Variants in EPHA3 observed in about 807,000 individuals in gnomAD.
EPHA3 encodes ephrin type-A receptor 3.
A neutral mutation model predicts 107.1 loss-of-function variants in EPHA3; 42 were observed. The observed-to-expected ratio is 0.39, with a 90% CI of 0.31 to 0.51. EPHA3 has a LOEUF of 0.51. Ranked by LOEUF, EPHA3 falls within the 20% of genes least tolerant of loss-of-function variation. EPHA3 has a pLI of 0.78. For missense variants in EPHA3, 1,183 were observed against 1,211.2 expected (o/e 0.98, Z 0.35); for synonymous variants, 461 against 424.8 (o/e 1.09, Z -1.05).
At chr3:89,435,568 A>G (rs1341800934) in intron 13 of EPHA3, among the ~76,000 whole-genome samples, 1 of 145,680 alleles carries the variant, frequency 6.9e-6, no homozygotes, top group African/African-American at 2.5e-5. Flanking sequence ...ACTATATAGT[A>G]TATATAATTT....
chr3:89,259,968 C>T (rs1705376821), intron 3 of EPHA3, among the ~76,000 whole-genome samples: 1 of 152,180 alleles, frequency 6.6e-6, no homozygotes, highest in Non-Finnish European at 1.5e-5. Context: ...TCCACCAGCT[C>T]CTTCCACATT....
intron 3 of EPHA3, among the ~76,000 whole-genome samples, chr3:89,312,348 C>T (rs966892546): frequency 1.3e-5 from 2 of 148,176 alleles, no homozygotes; most frequent in African/African-American, 2.5e-5. Context: ...AGAGTTCATT[C>T]GCAGTTACGC....
At chr3:89,192,309 G>A (rs1360961494) in intron 2 of EPHA3, among the ~76,000 whole-genome samples, 1 of 152,122 alleles carries the variant, frequency 6.6e-6, no homozygotes, top group Non-Finnish European at 1.5e-5. Flanking sequence ...AATACTGTGA[G>A]TGACTGCTGA....
At chr3:89,443,888 G>T (rs1709829599) in intron 13 of EPHA3, among the ~76,000 whole-genome samples, 1 of 152,052 alleles carries the variant, frequency 6.6e-6, no homozygotes, top group Admixed American at 6.6e-5. Flanking sequence ...AAGATGTTCA[G>T]ATAAGAACTT....
intron 5 of EPHA3, among the ~76,000 whole-genome samples, chr3:89,360,905 G>T (rs1190318626): frequency 6.6e-6 from 1 of 150,584 alleles, no homozygotes; most frequent in Admixed American, 6.7e-5. Flanking sequence ...CTTTTTAATT[G>T]ACCAATGACA....
In EPHA3 at chr3:89,190,431, C is replaced by A. The variant is rs58452858; in HGVS notation, c.154-19429C>A. Among the ~76,000 whole-genome samples, 567 of 152,188 alleles carry A rather than the reference C, an allele frequency of 3.7e-3. 13 individuals carry two copies. Among genetic ancestry groups the A allele is most frequent in the Admixed American group, 0.026 (403 of 15,288 alleles). On this transcript the variant is annotated intron_variant, in intron 2 of 16. Coordinates refer to ENST00000336596, the MANE Select transcript of EPHA3 (RefSeq NM_005233.6). ...TTAACCAATTACCTATAAACATAGG[C>A]TTTATTTTAATATTAAACATTTAAA...
intron 3 of EPHA3, among the ~76,000 whole-genome samples, chr3:89,239,431 C>CAAT (rs924211003): frequency 2.0e-4 from 31 of 151,718 alleles, no homozygotes; most frequent in Non-Finnish European, 3.2e-4. Context: ...ATAATAATGA[C>CAAT]AATAATAATA....
chr3:89,445,454 C>G (rs1709861025), intron 13 of EPHA3, among the ~76,000 whole-genome samples: 1 of 151,988 alleles, frequency 6.6e-6, no homozygotes, highest in Non-Finnish European at 1.5e-5. Flanking sequence ...TTAACTGTGA[C>G]CTGGGACAGA....
intron 3 of EPHA3, among the ~76,000 whole-genome samples, chr3:89,246,758 T>G (rs1705042678): frequency 6.6e-6 from 1 of 152,222 alleles, no homozygotes; most frequent in Admixed American, 6.5e-5. Flanking sequence ...TAAGAAGAAT[T>G]CCAGGCTTTT....
intron 2 of EPHA3, among the ~76,000 whole-genome samples, chr3:89,157,425 A>G (rs1230043853): frequency 6.6e-6 from 1 of 151,982 alleles, no homozygotes; most frequent in East Asian, 1.9e-4. Flanking sequence ...GCAAATTCCT[A>G]TGGTGTTCTT....
intron 5 of EPHA3, among the ~76,000 whole-genome samples, chr3:89,362,917 A>C (rs1231595709): frequency 6.6e-6 from 1 of 151,046 alleles, no homozygotes; most frequent in East Asian, 1.9e-4. Context: ...TGTATGTTTC[A>C]ATCTCCTCTT....
intron 3 of EPHA3, among the ~76,000 whole-genome samples, chr3:89,241,504 TAA>T (rs762496376): frequency 3.3e-4 from 50 of 152,320 alleles, no homozygotes; most frequent in Non-Finnish European, 6.6e-4. Flanking sequence ...TTGTGTATAT[TAA>T]GACTATTATA....
At chr3:89,311,161 T>C (rs1206530976) in intron 3 of EPHA3, among the ~76,000 whole-genome samples, 2 of 152,066 alleles carry the variant, frequency 1.3e-5, no homozygotes, top group South Asian at 2.1e-4. Context: ...AAAAAGTGTA[T>C]ACATATATGA....
At position 89,392,437 on chromosome 3, in the gene EPHA3, GA is replaced by G. The variant is rs74591061; in HGVS notation, c.1307-3388del. On this transcript the variant is annotated intron_variant, in intron 5 of 16. Transcript: ENST00000336596. ...TGGACAACAAGAGTGAAACTCCATC[GA>G]AAAAAAAAAAACCTAGGCTATCAGG... 1.3e-3 allele frequency among the ~76,000 whole-genome samples: 188 copies of G among 140,624 alleles called. No individual in the cohort carries two copies. The East Asian group carries it at 0.026, about 19-fold the overall frequency. 92.3% of individuals were successfully genotyped at this position (140,624 alleles called of 152,430 possible).
In EPHA3 at chr3:89,466,809, A is replaced by T. The variant is rs1710286370; in HGVS notation, c.2691-5655A>T. ...CGTCTTATGCGTCGCTCACGCTGGG[A>T]GCTGTAGACCGGAGCTGTTCCTATT... On this transcript the variant is annotated intron_variant, in intron 15 of 16. Coordinates refer to ENST00000336596, the MANE Select transcript of EPHA3 (RefSeq NM_005233.6). Among the ~76,000 whole-genome samples the T allele has an allele frequency of 1.4e-5, 2 of 140,224 alleles. 1 individual carries two copies. The highest frequency in any genetic ancestry group is 3.2e-5 in the Non-Finnish European group (2 of 63,040). 92.0% of individuals were successfully genotyped at this position (140,224 alleles called of 152,430 possible).
chr3:89,469,782 A>T (rs1008845517), intron 15 of EPHA3, among the ~76,000 whole-genome samples: 1 of 152,194 alleles, frequency 6.6e-6, no homozygotes, highest in Non-Finnish European at 1.5e-5. Flanking sequence ...TTCTAAAGAT[A>T]TTGAAATTAG....
chr3:89,124,407 C>G (rs978608796), intron 1 of EPHA3, among the ~76,000 whole-genome samples: 2 of 152,092 alleles, frequency 1.3e-5, no homozygotes, highest in African/African-American at 4.8e-5. Context: ...AGGTTTGTAT[C>G]CTGGGAGTCC....
At chr3:89,454,201 T>C (rs1398708489) in intron 15 of EPHA3, among the ~76,000 whole-genome samples, 1 of 152,152 alleles carries the variant, frequency 6.6e-6, no homozygotes, top group Non-Finnish European at 1.5e-5. Flanking sequence ...ATATTACCCC[T>C]GCTGGCCCCA....
chr3:89,239,431 C>CAATAAT (rs924211003), intron 3 of EPHA3, among the ~76,000 whole-genome samples: 1 of 151,608 alleles, frequency 6.6e-6, no homozygotes, highest in Non-Finnish European at 1.5e-5. Context: ...ATAATAATGA[C>CAATAAT]AATAATAATA....
Sources: gnomAD v4.1 joint callset for allele counts (sites outside exome capture counted in the v4.1 genomes callset) on GRCh38, gnomAD v4.1.1 for gene constraint, MANE v1.5 for transcripts, NCBI Gene and HGNC (gene_info 2026-07-23, HGNC 2026-07-21) for gene names.